The following SPTBN2 variants were observed in gnomAD, a reference collection of about 807,000 sequenced individuals.
SPTBN2 encodes the protein spectrin beta chain, non-erythrocytic 2.
Under a neutral mutation model 284.2 loss-of-function variants are expected in SPTBN2, and 107 were observed. That is an observed-to-expected ratio of 0.38 (90% CI 0.32 to 0.44). SPTBN2 has a LOEUF of 0.44. Among genes scored for constraint, SPTBN2 ranks in the 20% least tolerant of loss-of-function variants. The pLI is 1.00. For synonymous variants in SPTBN2, 1,289 were observed against 1,354.8 expected (o/e 0.95, Z 1.07); for missense variants, 2,569 against 3,287.1 (o/e 0.78, Z 5.34).
At chr11:66,701,800 C>G in intron 15 of SPTBN2, 79 bp from the exon 16 acceptor site, 1 of 1,602,430 alleles carries the variant, frequency 6.2e-7, no homozygotes. Flanking sequence ...CTCTCTTAAA[C>G]ACCCAGGAGG....
chr11:66,696,084 G>GAGAC (rs918615602), intron 21 of SPTBN2, among the ~76,000 whole-genome samples, 193 bp downstream of exon 21: 9 of 152,090 alleles, frequency 5.9e-5, no homozygotes, highest in African/African-American at 2.2e-4. Flanking sequence ...AATTATTAGG[G>GAGAC]GGTCTGTCTC....
Position 66,684,047 on chromosome 11 carries a change from C to A in SPTBN2, c.*1824G>T, listed in dbSNP as rs529712. ...GCTCTCTGGTCTACCGGTTTGGAGC[C>A]CACTCTGGGGCTGTGATGTGCTAGT... On this transcript the variant is annotated 3_prime_UTR_variant, in exon 38 of 38. Transcript: ENST00000533211. Among the ~76,000 whole-genome samples, 2,752 of 152,278 alleles carry A rather than the reference C, an allele frequency of 0.018. 88 individuals carry two copies. The highest frequency in any genetic ancestry group is 0.063 in the African/African-American group (2,625 of 41,532).
At position 66,700,718 on chromosome 11, in the gene SPTBN2, C is replaced by T; in HGVS notation, c.3381G>A (p.Leu1127=). 6.2e-7 allele frequency: 1 copy of T among 1,604,228 alleles called. No homozygotes were observed. The highest frequency in any genetic ancestry group is 8.5e-7 in the Non-Finnish European group (1 of 1,179,830). ...AQSEYSRLRA[L]GEEVTRDQAD... ...CCTGGTCCCGGGTCACCTCCTCGCC[C>T]AGGGCTCGCAGCCGGCTATACTCGC... is the stretch of plus-strand genomic sequence containing the variant. Residue 1127 remains leucine, a synonymous_variant, in exon 17 of 38, where the codon CTG becomes CTA. Transcript: ENST00000533211. This position sits in a 1 kb window ranked among gnomAD's most constrained non-coding sequence, Gnocchi z 6.6.
In SPTBN2 at chr11:66,691,238, A is replaced by G. The variant is rs371459644; in HGVS notation, c.5565+46T>C. ...GGGAACTCTCCCCGGCATTTCCCCC[A>G]TGGCCTCCTCTAAGCCTCCCCCACC... On this transcript the variant is annotated intron_variant, in intron 27 of 37. Coordinates refer to ENST00000533211, the MANE Select transcript of SPTBN2 (RefSeq NM_006946.4). The surrounding 1 kb of genome is among the most constrained non-coding windows in gnomAD (Gnocchi z 8.0). The G allele has an allele frequency of 4.7e-6, 7 of 1,502,858 alleles. No individual in the cohort carries two copies. Among genetic ancestry groups the G allele is most frequent in the Non-Finnish European group, 6.2e-6 (7 of 1,125,122 alleles). The allele number at this position is 1,502,858 out of a possible 1,614,324, so 93.1% of individuals were successfully genotyped here.
chr11:66,741,798 G>C (rs928761720), intron 1 of SPTBN2, among the ~76,000 whole-genome samples: 3 of 151,940 alleles, frequency 2.0e-5, no homozygotes, highest in Non-Finnish European at 4.4e-5. Context: ...CTGAGGATGA[G>C]GTCTGAGCAA....
At chr11:66,740,407 G>A (rs1942887605) in intron 1 of SPTBN2, among the ~76,000 whole-genome samples, 1 of 152,178 alleles carries the variant, frequency 6.6e-6, no homozygotes, top group Non-Finnish European at 1.5e-5. Flanking sequence ...GCACCATTAT[G>A]GCCTCTAGTT....
In SPTBN2 at chr11:66,687,924, A is replaced by C; in HGVS notation, c.6451-6T>G. The C allele has an allele frequency of 6.2e-7, 1 of 1,614,192 alleles. No homozygotes were observed. The highest frequency in any genetic ancestry group is 2.2e-5 in the East Asian group (1 of 44,874). On this transcript the variant is annotated splice_region_variant and splice_polypyrimidine_tract_variant and intron_variant, in intron 33 of 37. Coordinates refer to ENST00000533211, the MANE Select transcript of SPTBN2 (RefSeq NM_006946.4). This position sits in a 1 kb window ranked among gnomAD's most constrained non-coding sequence, Gnocchi z 5.2. ...CTCTGTTGTCCCAGCAGGGGCTGCA[A>C]GGACAAGAATCTGTAAAAGGATGTG...
chr11:66,728,229 C>T (rs1342109907), intron 1 of SPTBN2: 1 of 145,564 alleles, frequency 6.9e-6, no homozygotes, highest in Non-Finnish European at 1.5e-5. Flanking sequence ...GTTGCCGCGC[C>T]TGCAGCCCGG....
At chr11:66,728,603 C>CA (rs1054420724) in intron 1 of SPTBN2, 138 bp downstream of exon 1, 1 of 151,876 alleles carries the variant, frequency 6.6e-6, no homozygotes, top group African/African-American at 2.4e-5. Flanking sequence ...AACGCGGCAG[C>CA]AGCTCCGAGG....
At position 66,701,131 on chromosome 11, in the gene SPTBN2, C is replaced by A; in HGVS notation, c.2968G>T (p.Asp990Tyr). 6.2e-7 allele frequency: 1 copy of A among 1,613,152 alleles called. No individual in the cohort carries two copies. The highest frequency in any genetic ancestry group is 1.1e-5 in the South Asian group (1 of 91,086). The change falls in exon 17 of 38, where the codon GAT becomes TAT. Residue 990 changes from aspartate (D) to tyrosine (Y), a missense_variant. Around this residue, in one of 6 missense-constraint regions of SPTBN2, gnomAD observed 1,012 missense variants for 1,248.9 expected, o/e 0.81. Coordinates refer to ENST00000533211, the MANE Select transcript of SPTBN2 (RefSeq NM_006946.4). Reference protein sequence around the residue: ...VIESTQGLGNDLAGVLALQRK... With the variant: ...VIESTQGLGNYLAGVLALQRK... ...TGCAGGGCCAGCACCCCAGCCAGAT[C>A]GTTGCCTAGGCCCTGGGTGGACTCG...
chr11:66,684,165 C>T lies in SPTBN2; in HGVS notation c.*1706G>A, dbSNP rs530687555. Among the ~76,000 whole-genome samples, 4 of 152,314 alleles carry T rather than the reference C, an allele frequency of 2.6e-5. No homozygotes were observed. In the East Asian group the frequency reaches 7.7e-4, roughly 29 times the overall value. On this transcript the variant is annotated 3_prime_UTR_variant, in exon 38 of 38. Transcript: ENST00000533211. ...AGATGGGGCTGCCTTCCTGGAAAAA[C>T]GGTTGTCTGTGTGTATAGGAAACAA...
At chr11:66,740,577 C>T (rs1942889217) in intron 1 of SPTBN2, among the ~76,000 whole-genome samples, 1 of 152,156 alleles carries the variant, frequency 6.6e-6, no homozygotes, top group Non-Finnish European at 1.5e-5. Flanking sequence ...AGCCTCATGG[C>T]CCCATTTCCA....
At chr11:66,720,214 T>G (rs924399486) in intron 3 of SPTBN2, among the ~76,000 whole-genome samples, 4 of 151,884 alleles carry the variant, frequency 2.6e-5, no homozygotes, top group Non-Finnish European at 5.9e-5. Context: ...CCACCCCCAC[T>G]CGGAGCACCA....
At chr11:66,728,333 C>G (rs1942713421) in intron 1 of SPTBN2, 2 of 144,784 alleles carry the variant, frequency 1.4e-5, no homozygotes. Context: ...GCGCGCGGGG[C>G]GGGCGGCGGC....
At chr11:66,688,968 C>T in intron 30 of SPTBN2, 119 bp from the exon 31 acceptor site, 1 of 1,478,942 alleles carries the variant, frequency 6.8e-7, no homozygotes. Flanking sequence ...AGAGCTGTGC[C>T]AGGCAGCACG....
At position 66,693,693 on chromosome 11, in the gene SPTBN2, G is replaced by T. The variant is rs1940721401; in HGVS notation, c.4593+79C>A. On this transcript the variant is annotated intron_variant, in intron 23 of 37. Transcript: ENST00000533211. The surrounding 1 kb of genome is among the most constrained non-coding windows in gnomAD (Gnocchi z 5.7). ...AGGGTTACACTCAGCATCGAGGGGG[G>T]CCTGGTCTTAAGAAAAAACACGTCC... 9 of 1,421,058 alleles carry T rather than the reference G, an allele frequency of 6.3e-6. No homozygotes were observed. Among genetic ancestry groups the T allele is most frequent in the African/African-American group, 4.2e-5 (3 of 70,706 alleles). 88.0% of individuals were successfully genotyped at this position (1,421,058 alleles called of 1,614,324 possible).
chr11:66,727,098 C>T (rs897954817), intron 1 of SPTBN2, among the ~76,000 whole-genome samples: 4 of 152,216 alleles, frequency 2.6e-5, no homozygotes, highest in African/African-American at 9.7e-5. Flanking sequence ...CACTCCCTTG[C>T]TATCTCCCTT....
upstream of SPTBN2, among the ~76,000 whole-genome samples, chr11:66,731,667 A>G (rs1463437157): frequency 6.6e-6 from 1 of 152,190 alleles, no homozygotes; most frequent in African/African-American, 2.4e-5. Flanking sequence ...TTGCCAGCTT[A>G]AAAAATAATC....
chr11:66,688,618 G>T lies in SPTBN2; in HGVS notation c.6231+35C>A, dbSNP rs761737381. On this transcript the variant is annotated intron_variant, in intron 31 of 37. Coordinates refer to ENST00000533211, the MANE Select transcript of SPTBN2 (RefSeq NM_006946.4). Reference sequence around the variant, plus strand: ...AAGCCAGCACAGGTCAGGGGAGCAGGTTGGAGTGGGCATCCGGGGTCCTGT... The same window carrying T: ...AAGCCAGCACAGGTCAGGGGAGCAGTTTGGAGTGGGCATCCGGGGTCCTGT... 4 of 1,612,496 alleles carry T rather than the reference G, an allele frequency of 2.5e-6. No individual in the cohort carries two copies. The Admixed American group carries it at 5.0e-5, about 20-fold the overall frequency.
Sources: gnomAD v4.1 joint callset for allele counts (sites outside exome capture counted in the v4.1 genomes callset) on GRCh38, gnomAD v4.1.1 for gene constraint, gnomAD v4.1.1 regional missense constraint, Gnocchi (gnomAD v3.1) non-coding constraint, MANE v1.5 for transcripts, NCBI Gene and HGNC (gene_info 2026-07-23, HGNC 2026-07-21) for gene names.